MPPED2: variants seen among roughly 807,000 people sequenced by gnomAD.
The protein encoded by MPPED2 is metallophosphoesterase domain containing 2, also known as metallophosphoesterase MPPED2.
In MPPED2, 5 loss-of-function variants were observed where a neutral mutation model predicts 33.0. The ratio of observed to expected loss-of-function variants is 0.15; its 90% CI spans 0.08 to 0.32. The LOEUF (loss-of-function observed/expected upper bound fraction) is 0.32, where lower values mean the gene tolerates loss of function less well. Among genes scored for constraint, MPPED2 ranks in the 10% least tolerant of loss-of-function variants. The pLI, the probability that MPPED2 is intolerant of heterozygous loss-of-function variation, is 1.00. For synonymous variants in MPPED2, 136 were observed against 141.9 expected (o/e 0.96, Z 0.29); for missense variants, 275 against 372.1 (o/e 0.74, Z 2.15).
intron 2 of MPPED2, among the ~76,000 whole-genome samples, chr11:30,561,091 C>T (rs1368152772): frequency 6.6e-6 from 1 of 152,136 alleles, no homozygotes; most frequent in South Asian, 2.1e-4. Context: ...GAGTGTTCTG[C>T]AAGCATTTTC....
At chr11:30,543,975 C>T (rs905222259) in intron 2 of MPPED2, among the ~76,000 whole-genome samples, 23 of 152,222 alleles carry the variant, frequency 1.5e-4, no homozygotes, top group African/African-American at 5.1e-4. Context: ...TGTATCAACA[C>T]TGTTCTATTA....
intron 2 of MPPED2, among the ~76,000 whole-genome samples, chr11:30,556,917 A>G (rs1955987335): frequency 6.6e-6 from 1 of 152,080 alleles, no homozygotes; most frequent in Non-Finnish European, 1.5e-5. Context: ...AAGAGAAGGG[A>G]TTCCCCAAAA....
chr11:30,498,068 G>GTTT (rs57258633), intron 3 of MPPED2, among the ~76,000 whole-genome samples: 33 of 147,818 alleles, frequency 2.2e-4, no homozygotes, highest in African/African-American at 6.9e-4. Context: ...CATTTTCGTT[G>GTTT]TTTTTTTTTT....
intron 4 of MPPED2, among the ~76,000 whole-genome samples, chr11:30,487,806 T>A (rs898038315): frequency 1.3e-5 from 2 of 151,906 alleles, no homozygotes; most frequent in African/African-American, 4.8e-5. Context: ...AGTGTCTGAG[T>A]CACTTGTTTT....
intron 4 of MPPED2, among the ~76,000 whole-genome samples, chr11:30,471,675 C>T (rs1369484805): frequency 1.3e-5 from 2 of 152,196 alleles, no homozygotes; most frequent in Non-Finnish European, 2.9e-5. Context: ...TTTCTGGGGA[C>T]AGTATTTTAA....
intron 4 of MPPED2, among the ~76,000 whole-genome samples, chr11:30,469,626 A>C (rs1392514660): frequency 6.6e-6 from 1 of 152,170 alleles, no homozygotes; most frequent in Admixed American, 6.5e-5. Context: ...AAAGGTACTC[A>C]AGGAGCAGGT....
intron 3 of MPPED2, among the ~76,000 whole-genome samples, chr11:30,507,969 A>G (rs1952934180): frequency 6.6e-6 from 1 of 152,078 alleles, no homozygotes; most frequent in Non-Finnish European, 1.5e-5. Context: ...TACTTTCTAC[A>G]TTTTCATTCC....
At position 30,414,505 on chromosome 11, in the gene MPPED2, CTT is replaced by C. The variant is rs1948252539; in HGVS notation, c.653-166_653-165del. ...CTTTTAAGAAACTTTTCACTCGTCACTTTGTCTTCTTTAGGTTCTTGAAATTT... is the reference window on the plus strand; with the variant it reads ...CTTTTAAGAAACTTTTCACTCGTCACTGTCTTCTTTAGGTTCTTGAAATTT... On this transcript the variant is annotated intron_variant, in intron 5 of 6. Coordinates refer to ENST00000358117, the MANE Select transcript of MPPED2 (RefSeq NM_001584.3). Among the ~76,000 whole-genome samples the C allele has an allele frequency of 4.6e-5, 7 of 152,106 alleles. No homozygotes were observed. In the South Asian group the frequency reaches 1.5e-3, roughly 32 times the overall value.
chr11:30,573,123 G>C (rs971078710), intron 2 of MPPED2, among the ~76,000 whole-genome samples: 1 of 152,146 alleles, frequency 6.6e-6, no homozygotes, highest in African/African-American at 2.4e-5. Context: ...GTCATGAGCT[G>C]CATAATGACA....
chr11:30,564,571 G>A (rs1231971470), intron 2 of MPPED2, among the ~76,000 whole-genome samples: 1 of 152,182 alleles, frequency 6.6e-6, no homozygotes, highest in Non-Finnish European at 1.5e-5. Context: ...GTAAGAGGGA[G>A]ACCAAGATTC....
chr11:30,578,750 G>T (rs978014104), intron 2 of MPPED2, among the ~76,000 whole-genome samples: 15 of 152,122 alleles, frequency 9.9e-5, no homozygotes, highest in African/African-American at 3.4e-4. Context: ...CTATTCTAAA[G>T]TATGGCTTAC....
chr11:30,585,301 C>T (rs1031297834), intron 1 of MPPED2, among the ~76,000 whole-genome samples: 1 of 152,068 alleles, frequency 6.6e-6, no homozygotes, highest in Non-Finnish European at 1.5e-5. Flanking sequence ...AGGCTGCGAG[C>T]GCGGAGACCC....
intron 4 of MPPED2, chr11:30,451,701 T>C: frequency 2.1e-6 from 2 of 969,452 alleles, no homozygotes; most frequent in South Asian, 9.5e-5. Flanking sequence ...TTCAAAAACA[T>C]TAGAGAAACT....
intron 3 of MPPED2, among the ~76,000 whole-genome samples, chr11:30,525,559 G>C (rs1954120650): frequency 6.6e-6 from 1 of 152,012 alleles, no homozygotes; most frequent in African/African-American, 2.4e-5. Context: ...TTAGGAGATG[G>C]GGAGATTTCA....
chr11:30,519,622 C>T (rs76450985), intron 3 of MPPED2, among the ~76,000 whole-genome samples: 2,711 of 152,042 alleles, frequency 0.018, 79 homozygotes, highest in African/African-American at 0.062. Flanking sequence ...ACATTGCTTC[C>T]TAAATCCAGG....
intron 2 of MPPED2, among the ~76,000 whole-genome samples, chr11:30,550,395 C>A (rs1388700282): frequency 1.3e-5 from 2 of 152,122 alleles, no homozygotes; most frequent in African/African-American, 2.4e-5. Flanking sequence ...TTTGCCCTGA[C>A]TCTTAAATGT....
chr11:30,501,816 C>T (rs1364503436), intron 3 of MPPED2, among the ~76,000 whole-genome samples: 1 of 152,188 alleles, frequency 6.6e-6, no homozygotes, highest in Non-Finnish European at 1.5e-5. Context: ...ATGTCAAAGT[C>T]AGCATAACTC....
intron 4 of MPPED2, among the ~76,000 whole-genome samples, chr11:30,432,045 T>C (rs531222611): frequency 2.6e-4 from 40 of 152,140 alleles, no homozygotes; most frequent in African/African-American, 8.9e-4. Context: ...GGCAGGCACT[T>C]GTAATCCTGG....
intron 4 of MPPED2, among the ~76,000 whole-genome samples, chr11:30,485,809 C>G (rs113026984): frequency 1.4e-4 from 22 of 152,234 alleles, no homozygotes; most frequent in African/African-American, 5.3e-4. Context: ...CTCCCATGGG[C>G]TTATAGATGA....
Sources: allele counts gnomAD v4.1 joint callset (sites outside exome capture counted in the v4.1 genomes callset), GRCh38; gene constraint gnomAD v4.1.1; transcripts MANE v1.5; gene names NCBI Gene and HGNC (gene_info 2026-07-23, HGNC 2026-07-21).